The following MGMT variants were observed in gnomAD, a reference collection of about 807,000 sequenced individuals.
MGMT encodes O-6-methylguanine-DNA methyltransferase.
Under a neutral mutation model 15.9 loss-of-function variants are expected in MGMT, and 14 were observed. The ratio of observed to expected loss-of-function variants is 0.88; its 90% CI spans 0.58 to 1.37. MGMT has a LOEUF of 1.37. Among genes scored for constraint, MGMT ranks in the 40% most tolerant of loss-of-function variants. MGMT has a pLI of 0.00. For synonymous variants in MGMT, 130 were observed against 118.2 expected (o/e 1.10, Z -0.65); for missense variants, 282 against 268.1 (o/e 1.05, Z -0.36).
chr10:129,589,622 C>T (rs929268216), intron 2 of MGMT, among the ~76,000 whole-genome samples: 7 of 152,214 alleles, frequency 4.6e-5, no homozygotes, highest in Non-Finnish European at 7.3e-5. Flanking sequence ...TAACTCAAGT[C>T]GGATATCGGC....
chr10:129,625,308 T>A (rs941630761), intron 2 of MGMT, among the ~76,000 whole-genome samples: 2 of 152,210 alleles, frequency 1.3e-5, no homozygotes, highest in African/African-American at 4.8e-5. Context: ...ATTCCAATCT[T>A]ATATTAGCCC....
chr10:129,531,359 G>T (rs867040557), intron 1 of MGMT, among the ~76,000 whole-genome samples: 2 of 152,090 alleles, frequency 1.3e-5, no homozygotes, highest in Admixed American at 6.5e-5. Context: ...TTGAGCCTCC[G>T]CCTGGCTGGG....
intron 2 of MGMT, among the ~76,000 whole-genome samples, chr10:129,620,895 G>C (rs530500113): frequency 1.2e-4 from 18 of 151,826 alleles, no homozygotes; most frequent in African/African-American, 4.4e-4. Flanking sequence ...CCTTCTTTTG[G>C]ATTGAATCCT....
intron 2 of MGMT, among the ~76,000 whole-genome samples, chr10:129,574,501 A>T (rs548522713): frequency 1.3e-5 from 2 of 152,350 alleles, no homozygotes; most frequent in South Asian, 4.1e-4. Context: ...ACATTTCAGT[A>T]ATGTTTTTAC....
chr10:129,551,804 C>G (rs1846160571), intron 2 of MGMT, among the ~76,000 whole-genome samples: 1 of 152,138 alleles, frequency 6.6e-6, no homozygotes, highest in Non-Finnish European at 1.5e-5. Context: ...TTAGAGAAAG[C>G]CAGAGGGGTC....
chr10:129,584,600 GC>G (rs1364729646), intron 2 of MGMT, among the ~76,000 whole-genome samples: 1 of 151,718 alleles, frequency 6.6e-6, no homozygotes, highest in African/African-American at 2.4e-5. Context: ...CTTCCCCACT[GC>G]CCCTGCCAAA....
At chr10:129,478,244 C>G (rs556357563) in intron 1 of MGMT, among the ~76,000 whole-genome samples, 1 of 152,154 alleles carries the variant, frequency 6.6e-6, no homozygotes, top group Non-Finnish European at 1.5e-5. Context: ...TTTTTTCCCC[C>G]CCTCCAGATT....
chr10:129,526,875 G>A (rs1845876433), intron 1 of MGMT, among the ~76,000 whole-genome samples: 1 of 152,192 alleles, frequency 6.6e-6, no homozygotes, highest in Admixed American at 6.5e-5. Flanking sequence ...GGCCTCTGGC[G>A]CCAACTGCTT....
intron 2 of MGMT, among the ~76,000 whole-genome samples, chr10:129,559,165 G>A (rs1389891146): frequency 6.6e-6 from 1 of 152,142 alleles, no homozygotes; most frequent in African/African-American, 2.4e-5. Context: ...TTAGGTGAGT[G>A]ACTTCACTGA....
intron 3 of MGMT, among the ~76,000 whole-genome samples, chr10:129,743,977 G>A (rs1221998768): frequency 6.6e-6 from 1 of 152,218 alleles, no homozygotes; most frequent in Non-Finnish European, 1.5e-5. Context: ...GGCTGGGATG[G>A]GATGACCTGG....
intron 1 of MGMT, among the ~76,000 whole-genome samples, chr10:129,491,288 T>G (rs1164731996): frequency 6.6e-6 from 1 of 152,188 alleles, no homozygotes; most frequent in Admixed American, 6.5e-5. Context: ...CGTCTTCTGG[T>G]TTCTGAAGTT....
At chr10:129,548,374 T>A (rs1846119631) in intron 2 of MGMT, among the ~76,000 whole-genome samples, 1 of 152,206 alleles carries the variant, frequency 6.6e-6, no homozygotes, top group Admixed American at 6.5e-5. Context: ...AAAAGTAGCC[T>A]CCTCCAAATA....
At chr10:129,500,278 A>G (rs967278948) in intron 1 of MGMT, among the ~76,000 whole-genome samples, 2 of 152,124 alleles carry the variant, frequency 1.3e-5, no homozygotes, top group Non-Finnish European at 2.9e-5. Flanking sequence ...GGTGGGGTGA[A>G]CTGGGCGGGG....
At chr10:129,733,025 C>T in intron 3 of MGMT, among the ~76,000 whole-genome samples, 1 of 151,508 alleles carries the variant, frequency 6.6e-6, no homozygotes, top group East Asian at 1.9e-4. Flanking sequence ...CATACGTGTG[C>T]ACGTGTCTTT....
At chr10:129,469,259 G>A (rs1453149773) in intron 1 of MGMT, among the ~76,000 whole-genome samples, 1 of 152,068 alleles carries the variant, frequency 6.6e-6, no homozygotes, top group Non-Finnish European at 1.5e-5. Context: ...GACTCTTTCA[G>A]TATTTTATAA....
chr10:129,666,833 C>A (rs1450664242), intron 2 of MGMT, among the ~76,000 whole-genome samples: 1 of 152,118 alleles, frequency 6.6e-6, no homozygotes, highest in Non-Finnish European at 1.5e-5. Flanking sequence ...GTTTTTGTTT[C>A]TAATGTTTGC....
intron 2 of MGMT, chr10:129,701,024 G>T (rs1848092737): frequency 1.3e-5 from 2 of 152,284 alleles, no homozygotes; most frequent in Non-Finnish European, 2.9e-5. Context: ...CTGGAAGCCA[G>T]AGGAGGTGGG....
chr10:129,519,596 A>G (rs1255098032), intron 1 of MGMT, among the ~76,000 whole-genome samples: 1 of 152,184 alleles, frequency 6.6e-6, no homozygotes, highest in Non-Finnish European at 1.5e-5. Context: ...GCATGTTGGG[A>G]ACACCGGGAG....
chr10:129,716,988 G>C (rs1305946539), intron 3 of MGMT, among the ~76,000 whole-genome samples: 4 of 152,238 alleles, frequency 2.6e-5, no homozygotes, highest in African/African-American at 7.2e-5. Context: ...CTCATTGGCA[G>C]CGTCGGCCAG....
Sources: allele counts gnomAD v4.1 joint callset (sites outside exome capture counted in the v4.1 genomes callset), GRCh38; gene constraint gnomAD v4.1.1; transcripts MANE v1.5; gene names NCBI Gene and HGNC (gene_info 2026-07-23, HGNC 2026-07-21).